Variants in ITSN1 observed in about 807,000 individuals in gnomAD.
ITSN1 encodes the protein intersectin 1, also known as intersectin-1.
Under a neutral mutation model 239.8 loss-of-function variants are expected in ITSN1, and 58 were observed. The ratio of observed to expected loss-of-function variants is 0.24; its 90% CI spans 0.20 to 0.30. The LOEUF is 0.30. Among genes scored for constraint, ITSN1 ranks in the 10% least tolerant of loss-of-function variants. The pLI is 1.00. For missense variants in ITSN1, 1,558 were observed against 2,103.3 expected (o/e 0.74, Z 5.07); for synonymous variants, 780 against 770.8 (o/e 1.01, Z -0.20).
intron 1 of ITSN1, among the ~76,000 whole-genome samples, chr21:33,656,569 T>G (rs1242089317): frequency 6.6e-6 from 1 of 152,160 alleles, no homozygotes; most frequent in Non-Finnish European, 1.5e-5. Context: ...AGTCTCACTC[T>G]GTCACCCAGG....
chr21:33,795,167 A>T (rs2071440467), intron 17 of ITSN1, among the ~76,000 whole-genome samples: 1 of 152,112 alleles, frequency 6.6e-6, no homozygotes, highest in South Asian at 2.1e-4. Context: ...AAATTAGATT[A>T]AGGCCAGGCA....
rs1254562969 is a variant in ITSN1 at position 33,895,844 on chromosome 21, G to C, written c.*7544G>C. ...CATCCTGGTCAGGACTAGTCGCGTGGTTTGCGGACAGAGTGCAAAATGAAA... is the reference window on the plus strand; with the variant it reads ...CATCCTGGTCAGGACTAGTCGCGTGCTTTGCGGACAGAGTGCAAAATGAAA... On this transcript the variant is annotated 3_prime_UTR_variant, in exon 40 of 40. Transcript: ENST00000381318. The C allele has an allele frequency of 6.6e-6, 1 of 152,242 alleles. No individual in the cohort carries two copies. The highest frequency in any genetic ancestry group is 2.4e-5 in the African/African-American group (1 of 41,444). The allele number at this position is 152,242 out of a possible 1,614,324, so 9.4% of individuals were successfully genotyped here. A position where few individuals can be genotyped will look rare whatever the true frequency, so the allele number is the denominator to read the frequency against.
chr21:33,887,098 G>C (rs535146254), intron 39 of ITSN1, among the ~76,000 whole-genome samples: 2 of 151,996 alleles, frequency 1.3e-5, no homozygotes, highest in Non-Finnish European at 2.9e-5. Flanking sequence ...CAGGAGGATC[G>C]CTTAAGCCCA....
At chr21:33,664,716 A>T (rs2089810583) in intron 1 of ITSN1, among the ~76,000 whole-genome samples, 1 of 152,216 alleles carries the variant, frequency 6.6e-6, no homozygotes, top group Non-Finnish European at 1.5e-5. Flanking sequence ...TGCCTCACTA[A>T]ATAGTAAACA....
At chr21:33,761,364 G>C (rs888173423) in intron 8 of ITSN1, among the ~76,000 whole-genome samples, 2 of 152,008 alleles carry the variant, frequency 1.3e-5, no homozygotes, top group Non-Finnish European at 2.9e-5. Flanking sequence ...ACCACACCAG[G>C]CTGGAAATGT....
At chr21:33,710,790 T>G (rs915102925) in intron 1 of ITSN1, among the ~76,000 whole-genome samples, 1 of 151,214 alleles carries the variant, frequency 6.6e-6, no homozygotes, top group African/African-American at 2.4e-5. Flanking sequence ...GGCTTTCTTT[T>G]GGGGGAAGTT....
chr21:33,733,145 G>A lies in ITSN1; in HGVS notation c.186-1899G>A, dbSNP rs185516775. 1.0e-3 allele frequency among the ~76,000 whole-genome samples: 152 copies of A among 152,156 alleles called. 1 individual carries two copies. The highest frequency in any genetic ancestry group is 3.4e-3 in the African/African-American group (141 of 41,504). ...AAAAAAAACCTTCCCAGACCTTCCC[G>A]GATCACAATATACCAGAGAGCCAGT... On this transcript the variant is annotated intron_variant, in intron 4 of 39. Transcript: ENST00000381318.
At chr21:33,691,175 T>C (rs2091529778) in intron 1 of ITSN1, among the ~76,000 whole-genome samples, 2 of 152,118 alleles carry the variant, frequency 1.3e-5, no homozygotes, top group Admixed American at 1.3e-4. Context: ...TATGAGCTCT[T>C]TGAGGCAGGA....
In ITSN1 at chr21:33,667,841, C is replaced by T. The variant is rs141864451; in HGVS notation, c.-33+25128C>T. ...TCCCTGGGAATGTATGTGTGAAGTT[C>T]CCATTTGGAAGGCTGGCATCGTAGT... On this transcript the variant is annotated intron_variant, in intron 1 of 39. Transcript: ENST00000381318. Among the ~76,000 whole-genome samples the T allele has an allele frequency of 3.6e-3, 545 of 152,156 alleles. 2 individuals are homozygous for T. Among genetic ancestry groups the T allele is most frequent in the African/African-American group, 0.012 (515 of 41,522 alleles).
chr21:33,778,509 T>C (rs573625630), intron 14 of ITSN1, among the ~76,000 whole-genome samples: 2 of 151,714 alleles, frequency 1.3e-5, no homozygotes, highest in South Asian at 4.2e-4. Context: ...TATCTGTCAA[T>C]GAACTTGTTT....
intron 20 of ITSN1, among the ~76,000 whole-genome samples, chr21:33,809,965 G>A (rs548698078): frequency 6.6e-6 from 1 of 152,066 alleles, no homozygotes; most frequent in Admixed American, 6.5e-5. Flanking sequence ...GGCTAGTTTT[G>A]TATTTGTAGT....
chr21:33,751,849 G>C lies in ITSN1; in HGVS notation c.566G>C (p.Gly189Ala), dbSNP rs1274827765. ...AAGAGTTCTTCCTTTAGTAGATCTG[G>C]TCCAGGGTCACAACTAAACACTAAA... ...LPKSSSFSRS[G>A]PGSQLNTKLQ... Residue 189 changes from glycine (G) to alanine (A), a missense_variant, in exon 7 of 40, where the codon GGT becomes GCT. By Grantham distance (60) the Gly-to-Ala change is moderately conservative. Transcript: ENST00000381318. 6.2e-7 allele frequency: 1 copy of C among 1,613,412 alleles called. No individual in the cohort carries two copies.
chr21:33,725,563 T>TA (rs1489066089), intron 4 of ITSN1, among the ~76,000 whole-genome samples: 1 of 152,158 alleles, frequency 6.6e-6, no homozygotes, highest in Non-Finnish European at 1.5e-5. Context: ...TTGTGCCTTC[T>TA]AGCGTGGGTG....
At chr21:33,778,343 T>C (rs1466336336) in intron 14 of ITSN1, among the ~76,000 whole-genome samples, 1 of 152,044 alleles carries the variant, frequency 6.6e-6, no homozygotes, top group African/African-American at 2.4e-5. Context: ...TTTCTAAAAG[T>C]GTTTGTGTTG....
intron 19 of ITSN1, 103 bp from the exon 20 acceptor site, chr21:33,802,327 C>G: frequency 8.6e-7 from 1 of 1,167,074 alleles, no homozygotes; most frequent in Non-Finnish European, 1.3e-6. Flanking sequence ...TAGTTAACCA[C>G]CAGCTTGATG....
rs1039410639 is a variant in ITSN1 at position 33,765,831 on chromosome 21, G to A, written c.789-44G>A. ...ATCACTAATGAATAGTAAAAAGCAT[G>A]AATTTTCATGAAACCGGATTACAGT... On this transcript the variant is annotated intron_variant, in intron 9 of 39. Coordinates refer to ENST00000381318, the MANE Select transcript of ITSN1 (RefSeq NM_003024.3). 7 of 1,606,746 alleles carry A rather than the reference G, an allele frequency of 4.4e-6. No individual in the cohort carries two copies. In the African/African-American group the frequency reaches 9.4e-5, roughly 21 times the overall value.
intron 1 of ITSN1, among the ~76,000 whole-genome samples, chr21:33,673,115 A>G (rs1039869857): frequency 2.0e-5 from 3 of 152,258 alleles, no homozygotes; most frequent in Admixed American, 6.5e-5. Context: ...GTGACAACAT[A>G]GATGAACCTG....
chr21:33,823,284 T>A (rs1162052428), intron 24 of ITSN1, among the ~76,000 whole-genome samples: 1 of 152,228 alleles, frequency 6.6e-6, no homozygotes, highest in Non-Finnish European at 1.5e-5. Context: ...TGTCTCCCTG[T>A]CTGCAGCTAC....
intron 29 of ITSN1, among the ~76,000 whole-genome samples, chr21:33,839,406 G>C (rs542732669): frequency 6.6e-6 from 1 of 152,182 alleles, no homozygotes; most frequent in East Asian, 1.9e-4. Context: ...TTTGAGCTGA[G>C]ACCTGAAGAG....
Sources: gnomAD v4.1 joint callset for allele counts (sites outside exome capture counted in the v4.1 genomes callset) on GRCh38, gnomAD v4.1.1 for gene constraint, MANE v1.5 for transcripts, NCBI Gene and HGNC (gene_info 2026-07-23, HGNC 2026-07-21) for gene names.